PRKN: variants seen among roughly 807,000 people sequenced by gnomAD.
The protein encoded by PRKN is E3 ubiquitin-protein ligase parkin.
In PRKN, 56 loss-of-function variants were observed where a neutral mutation model predicts 59.5. The ratio of observed to expected loss-of-function variants is 0.94; its 90% confidence interval spans 0.76 to 1.18. The LOEUF is 1.18. PRKN is among the 50% of genes most tolerant of loss of function. The pLI, the probability that PRKN is intolerant of heterozygous loss-of-function variation, is 0.00. For synonymous variants in PRKN, 250 were observed against 222.1 expected (o/e 1.13, Z -1.12); for missense variants, 657 against 596.4 (o/e 1.10, Z -1.06).
chr6:162,536,315 T>C (rs566178350), intron 1 of PRKN, among the ~76,000 whole-genome samples: 86 of 152,278 alleles, frequency 5.6e-4, no homozygotes, highest in African/African-American at 1.9e-3. Context: ...TATTTTCTAT[T>C]CTAAGGGTCC....
intron 4 of PRKN, among the ~76,000 whole-genome samples, chr6:162,089,143 A>G (rs1302633461): frequency 6.6e-6 from 1 of 152,198 alleles, no homozygotes; most frequent in Non-Finnish European, 1.5e-5. Context: ...AATGCAAATC[A>G]CATATGTCAT....
chr6:161,836,324 G>A (rs962109327), intron 6 of PRKN, among the ~76,000 whole-genome samples: 1 of 152,266 alleles, frequency 6.6e-6, no homozygotes, highest in East Asian at 1.9e-4. Flanking sequence ...GTGGTCACAG[G>A]GAGTCCCCTC....
At chr6:162,247,485 T>C (rs997379300) in intron 3 of PRKN, among the ~76,000 whole-genome samples, 14 of 152,132 alleles carry the variant, frequency 9.2e-5, no homozygotes, top group African/African-American at 3.4e-4. Flanking sequence ...AAAGAAGCTA[T>C]AAAATATATT....
At chr6:161,827,087 A>T in intron 6 of PRKN, among the ~76,000 whole-genome samples, 1 of 152,210 alleles carries the variant, frequency 6.6e-6, no homozygotes, top group East Asian at 1.9e-4. Context: ...TGTCTGCCTA[A>T]CTTACATGGA....
intron 4 of PRKN, among the ~76,000 whole-genome samples, chr6:162,059,660 C>T (rs889315120): frequency 6.6e-6 from 1 of 152,072 alleles, no homozygotes; most frequent in Admixed American, 6.5e-5. Context: ...TTTCATCCCT[C>T]AAATCTACCG....
At chr6:162,058,031 T>C (rs150724389) in intron 4 of PRKN, among the ~76,000 whole-genome samples, 1 of 152,320 alleles carries the variant, frequency 6.6e-6, no homozygotes, top group East Asian at 1.9e-4. Context: ...CCTTTGTTTG[T>C]TTTAATGTCT....
intron 7 of PRKN, among the ~76,000 whole-genome samples, chr6:161,619,325 C>CT (rs11286624): frequency 7.0e-4 from 90 of 127,950 alleles, no homozygotes; most frequent in South Asian, 2.2e-3. Context: ...TGCTAAGCTG[C>CT]TTTTTTTTTT....
At chr6:161,523,679 T>C (rs948058029) in intron 9 of PRKN, among the ~76,000 whole-genome samples, 1 of 152,234 alleles carries the variant, frequency 6.6e-6, no homozygotes, top group African/African-American at 2.4e-5. Flanking sequence ...GAAAAAGGTC[T>C]TTCCCCTATC....
chr6:161,720,169 A>T (rs1414607461), intron 7 of PRKN, among the ~76,000 whole-genome samples: 1 of 152,248 alleles, frequency 6.6e-6, no homozygotes, highest in African/African-American at 2.4e-5. Flanking sequence ...GCCACCTGAT[A>T]ATTATTAACC....
Position 162,162,701 on chromosome 6 carries a change from A to G in PRKN, c.534+38430T>C, listed in dbSNP as rs569130667. On this transcript the variant is annotated intron_variant, in intron 4 of 11. Coordinates refer to ENST00000366898, the MANE Select transcript of PRKN (RefSeq NM_004562.3). ...ATGCAAAAAATTTTCCCTAAATCTT[A>G]CCAATTTGCATTAAAGAAAAATTTC... Among the ~76,000 whole-genome samples the G allele has an allele frequency of 2.6e-5, 4 of 152,318 alleles. 1 individual carries two copies. In the East Asian group the frequency reaches 5.8e-4, roughly 22 times the overall value.
intron 7 of PRKN, among the ~76,000 whole-genome samples, chr6:161,723,332 C>T (rs1024559452): frequency 3.9e-5 from 6 of 151,946 alleles, no homozygotes; most frequent in African/African-American, 1.5e-4. Flanking sequence ...CTGTTTATTA[C>T]AAATCCTCAT....
Position 162,151,208 on chromosome 6 carries a change from A to T in PRKN, c.534+49923T>A, listed in dbSNP as rs185913572. ...AACAGAATGTGCTCTCCACACTCGTAAGTGGGTCAGAGGGTGTTCCCACTG... is the reference window on the plus strand; with the variant it reads ...AACAGAATGTGCTCTCCACACTCGTTAGTGGGTCAGAGGGTGTTCCCACTG... On this transcript the variant is annotated intron_variant, in intron 4 of 11. Transcript: ENST00000366898. 1.2e-4 allele frequency among the ~76,000 whole-genome samples: 18 copies of T among 152,314 alleles called. No homozygotes were observed. The East Asian group carries it at 3.3e-3, about 28-fold the overall frequency.
chr6:161,724,343 T>C (rs1423056357), intron 7 of PRKN, among the ~76,000 whole-genome samples: 1 of 152,244 alleles, frequency 6.6e-6, no homozygotes, highest in Admixed American at 6.5e-5. Context: ...AAAGCTTATG[T>C]ATGGACATAC....
intron 6 of PRKN, among the ~76,000 whole-genome samples, chr6:161,874,751 T>TGATATATAAAATGTAC (rs1794615061): frequency 2.6e-5 from 1 of 38,372 alleles, no homozygotes; most frequent in African/African-American, 1.1e-4. Context: ...ATAAAATATA[T>TGATATATAAAATGTAC]AATATATATA....
Position 162,438,134 on chromosome 6 carries a change from C to T in PRKN, c.171+5176G>A, listed in dbSNP as rs1562764683. On this transcript the variant is annotated intron_variant, in intron 2 of 11. Coordinates refer to ENST00000366898, the MANE Select transcript of PRKN (RefSeq NM_004562.3). ...TTTAATTTACCTACTTTACCTATTA[C>T]TCTAGATATTTCTTTATACATTCTT... Among the ~76,000 whole-genome samples, 3 of 152,132 alleles carry T rather than the reference C, an allele frequency of 2.0e-5. No individual in the cohort carries two copies. In the South Asian group the frequency reaches 6.2e-4, roughly 31 times the overall value.
chr6:162,148,079 G>A (rs1391865536), intron 4 of PRKN, among the ~76,000 whole-genome samples: 1 of 152,062 alleles, frequency 6.6e-6, no homozygotes, highest in Non-Finnish European at 1.5e-5. Flanking sequence ...CCATAGTTCT[G>A]GTAACATCAC....
chr6:162,440,653 C>A (rs964004103), intron 2 of PRKN, among the ~76,000 whole-genome samples: 8 of 152,132 alleles, frequency 5.3e-5, no homozygotes, highest in Non-Finnish European at 7.4e-5. Flanking sequence ...AGACACCCAG[C>A]AAGCATAGAC....
At chr6:162,487,475 G>A (rs563167268) in intron 1 of PRKN, among the ~76,000 whole-genome samples, 20 of 152,182 alleles carry the variant, frequency 1.3e-4, no homozygotes, top group African/African-American at 4.6e-4. Context: ...GGCTTTTTAC[G>A]CTCCCTGTCA....
chr6:162,375,127 T>G (rs1298306666), intron 2 of PRKN, among the ~76,000 whole-genome samples: 1 of 152,118 alleles, frequency 6.6e-6, no homozygotes, highest in African/African-American at 2.4e-5. Context: ...AGGGATGCAT[T>G]TATAATGACT....
Sources: gnomAD v4.1 joint callset for allele counts (sites outside exome capture counted in the v4.1 genomes callset) on GRCh38, gnomAD v4.1.1 for gene constraint, MANE v1.5 for transcripts, NCBI Gene and HGNC (gene_info 2026-07-23, HGNC 2026-07-21) for gene names.